Variants in BPTF observed in about 807,000 individuals in gnomAD.
The protein encoded by BPTF is nucleosome-remodeling factor subunit BPTF.
A neutral mutation model predicts 292.5 loss-of-function variants in BPTF; 18 were observed. That is an observed-to-expected ratio of 0.06 (90% CI 0.04 to 0.09). BPTF has a LOEUF of 0.09. BPTF is among the 10% of genes least tolerant of loss of function. The probability of loss-of-function intolerance (pLI) is 1.00; values close to 1 mark genes in which losing one functional copy is unlikely to be tolerated. For synonymous variants in BPTF, 1,225 were observed against 1,251.9 expected, an observed-to-expected ratio of 0.98 and a Z score of 0.45; for missense variants, 2,726 against 3,498.7, an observed-to-expected ratio of 0.78 and a Z score of 5.57.
At chr17:67,956,337 A>AG (rs1343597181) in intron 23 of BPTF, 1 of 151,090 alleles carries the variant, frequency 6.6e-6, no homozygotes, top group Non-Finnish European at 1.5e-5. Flanking sequence ...AAAAAAAAAA[A>AG]GACAGGGTCT....
Position 67,893,859 on chromosome 17 carries a change from A to AAT in BPTF, c.2411+134_2411+135insAT. ...CAATGTGGTCAGCAGACAGGACATT[A>AAT]GAGGCATGAGTGTACTTCTAACTTA... On this transcript the variant is annotated intron_variant, in intron 6 of 27. Transcript: ENST00000306378. 3 of 1,119,322 alleles carry AAT rather than the reference A, an allele frequency of 2.7e-6. No individual in the cohort carries two copies. In the Admixed American group the frequency reaches 7.4e-5, roughly 28 times the overall value. 69.3% of individuals were successfully genotyped at this position (1,119,322 alleles called of 1,614,324 possible).
chr17:67,946,339 G>A lies in BPTF; in HGVS notation c.7617+14G>A, dbSNP rs1555675471. On this transcript the variant is annotated intron_variant, in intron 21 of 27. Transcript: ENST00000306378. ...ATTCAGAAACAGGTAAAGTTATTAA[G>A]TAAAAGCAGCATGTTCAGTAGCTTG... 2 of 1,610,906 alleles carry A rather than the reference G, an allele frequency of 1.2e-6. No homozygotes were observed. Among genetic ancestry groups the A allele is most frequent in the African/African-American group, 1.3e-5 (1 of 74,836 alleles).
intron 4 of BPTF, among the ~76,000 whole-genome samples, chr17:67,880,519 T>C (rs568284401): frequency 4.0e-4 from 61 of 152,348 alleles, no homozygotes; most frequent in Admixed American, 5.9e-4. Context: ...ATAGGTCATG[T>C]TCCCTTTATC....
chr17:67,977,177 T>C (rs1469772391), intron 27 of BPTF, among the ~76,000 whole-genome samples: 2 of 152,184 alleles, frequency 1.3e-5, no homozygotes, highest in South Asian at 2.1e-4. Flanking sequence ...TTTTCAGTCA[T>C]GTGAGGACTC....
At chr17:67,872,411 G>T (rs2059796902) in intron 3 of BPTF, among the ~76,000 whole-genome samples, 1 of 152,184 alleles carries the variant, frequency 6.6e-6, no homozygotes, top group South Asian at 2.1e-4. Context: ...AAAGCTATAG[G>T]ATGTAGTTGT....
At chr17:67,922,137 C>G (rs1426454295) in intron 13 of BPTF, among the ~76,000 whole-genome samples, 1 of 152,124 alleles carries the variant, frequency 6.6e-6, no homozygotes, top group African/African-American at 2.4e-5. Context: ...TCTCCTTGAC[C>G]CCACAGCCTT....
chr17:67,879,471 G>A (rs11867618), intron 4 of BPTF, among the ~76,000 whole-genome samples: 20,667 of 152,200 alleles, frequency 0.14, 2,447 homozygotes, highest in East Asian at 0.66. Flanking sequence ...ATGTTTGCTG[G>A]AGTGATTTGG....
At chr17:67,888,589 C>CAAAAAAAA (rs776548348) in intron 4 of BPTF, among the ~76,000 whole-genome samples, 1 of 63,552 alleles carries the variant, frequency 1.6e-5, no homozygotes, top group Non-Finnish European at 3.5e-5. Flanking sequence ...GACTCCGTCT[C>CAAAAAAAA]AAAAAAAAAA....
intron 24 of BPTF, 143 bp downstream of exon 24, chr17:67,960,018 T>G (rs2148305876): frequency 1.5e-6 from 1 of 665,804 alleles, no homozygotes; most frequent in East Asian, 3.0e-5. Context: ...GTCTTGCATG[T>G]GATATTCTTA....
At chr17:67,880,958 TACACAC>T (rs71993218) in intron 4 of BPTF, among the ~76,000 whole-genome samples, 9 of 148,910 alleles carry the variant, frequency 6.0e-5, no homozygotes, top group Non-Finnish European at 1.3e-4. Flanking sequence ...TATATATATA[TACACAC>T]ACACACACAC....
intron 2 of BPTF, among the ~76,000 whole-genome samples, chr17:67,861,841 A>C (rs1338169531): frequency 1.8e-4 from 27 of 152,222 alleles, no homozygotes; most frequent in Admixed American, 1.7e-3. Context: ...TAACTAGCTC[A>C]TTCTTGAGGT....
chr17:67,882,728 T>TAC (rs2060497451), intron 4 of BPTF, among the ~76,000 whole-genome samples: 1 of 152,184 alleles, frequency 6.6e-6, no homozygotes, highest in Non-Finnish European at 1.5e-5. Flanking sequence ...TCCCCTGGGC[T>TAC]GGGCGTGGTG....
At position 67,903,907 on chromosome 17, in the gene BPTF, G is replaced by A; in HGVS notation, c.2662G>A (p.Val888Ile). 2 of 1,583,670 alleles carry A rather than the reference G, an allele frequency of 1.3e-6. No individual in the cohort carries two copies. Among genetic ancestry groups the A allele is most frequent in the Non-Finnish European group, 1.7e-6 (2 of 1,171,934 alleles). Reference protein sequence around the residue: ...QATWVKYTFPVKHQVWKQKGE... With the variant: ...QATWVKYTFPIKHQVWKQKGE... ...GACATGGGTAAAATACACATTTCCA[G>A]TTAAGCATCAGGTAATTTTTACAAC... The change falls in exon 8 of 28, where the codon GTT becomes ATT. Residue 888 changes from valine (V) to isoleucine (I), a missense_variant. Transcript: ENST00000306378.
At chr17:67,885,522 G>A (rs1390308143) in intron 4 of BPTF, among the ~76,000 whole-genome samples, 1 of 152,132 alleles carries the variant, frequency 6.6e-6, no homozygotes, top group African/African-American at 2.4e-5. Context: ...CCTGGGAGGT[G>A]GAGGCTACAG....
chr17:67,966,832 T>G (rs2068152261), intron 26 of BPTF, among the ~76,000 whole-genome samples, 176 bp downstream of exon 26: 1 of 152,138 alleles, frequency 6.6e-6, no homozygotes, highest in Admixed American at 6.6e-5. Flanking sequence ...CCGGGTGCGG[T>G]GGCTCACGCC....
Position 67,959,805 on chromosome 17 carries a change from A to G in BPTF, c.8191A>G (p.Thr2731Ala). Residue 2731 changes from threonine to alanine, a missense_variant, in exon 24 of 28, where the codon ACT becomes GCT. This residue lies in a region of BPTF where 148 missense variants were observed against 145.5 expected (regional missense o/e 1.02). Transcript: ENST00000306378. ...GTCCAAGAAAAAGAAAATGATCTCT[A>G]CTACCTCAAAGGAAACTAAGAAGGA... ...SKSKKKKMIS[T>A]TSKETKKDTK... is the part of the protein sequence containing the mutation. 2.5e-6 allele frequency: 4 copies of G among 1,614,082 alleles called. No homozygotes were observed. Among genetic ancestry groups the G allele is most frequent in the East Asian group, 2.2e-5 (1 of 44,892 alleles).
At chr17:67,931,306 G>A (rs2064367267) in intron 17 of BPTF, among the ~76,000 whole-genome samples, 1 of 151,556 alleles carries the variant, frequency 6.6e-6, no homozygotes, top group African/African-American at 2.4e-5. Context: ...ATAAGTAAAT[G>A]AATGAATGAA....
At chr17:67,962,428 CT>C (rs2067604152) in intron 24 of BPTF, among the ~76,000 whole-genome samples, 1 of 152,170 alleles carries the variant, frequency 6.6e-6, no homozygotes, top group Non-Finnish European at 1.5e-5. Context: ...TTTACTTTTC[CT>C]TTTGTCATTA....
Position 67,975,761 on chromosome 17 carries a change from G to T in BPTF, c.8540-11G>T. 1.3e-6 allele frequency: 2 copies of T among 1,595,386 alleles called. No homozygotes were observed. Among genetic ancestry groups the T allele is most frequent in the Non-Finnish European group, 1.7e-6 (2 of 1,172,914 alleles). ...AAGCTCTGAAAATGTTTTACATTTT[G>T]TGTTTTTAAGACCTTGCCACCATGG... On this transcript the variant is annotated splice_polypyrimidine_tract_variant and intron_variant, in intron 26 of 27. Coordinates refer to ENST00000306378, the MANE Select transcript of BPTF (RefSeq NM_182641.4).
Sources: gnomAD v4.1 joint callset for allele counts (sites outside exome capture counted in the v4.1 genomes callset) on GRCh38, gnomAD v4.1.1 for gene constraint, gnomAD v4.1.1 regional missense constraint, MANE v1.5 for transcripts, NCBI Gene and HGNC (gene_info 2026-07-23, HGNC 2026-07-21) for gene names.